SYCE1: variants seen among roughly 807,000 people sequenced by gnomAD.
The protein encoded by SYCE1 is cancer/testis antigen 76.
SYCE1 carries 37 observed loss-of-function variants against 55.1 expected under a neutral mutation model. The observed-to-expected ratio is 0.67, with a 90% confidence interval of 0.52 to 0.88. The LOEUF (loss-of-function observed/expected upper bound fraction) is 0.88. SYCE1 is among the 40% of genes least tolerant of loss of function. The probability of loss-of-function intolerance (pLI) is 0.00; values close to 1 mark genes in which losing one functional copy is unlikely to be tolerated. For synonymous variants in SYCE1, 163 were observed against 159.4 expected (o/e 1.02, Z -0.17); for missense variants, 399 against 416.4 (o/e 0.96, Z 0.36).
chr10:133,559,042 T>C (rs539232042), intron 3 of SYCE1, 91 bp from the exon 4 acceptor site: 135 of 1,321,970 alleles, frequency 1.0e-4, no homozygotes, highest in Middle Eastern at 3.8e-4. Context: ...GGTAAATCTA[T>C]AGTGGCCTAG....
upstream of SYCE1, chr10:133,565,613 A>T: frequency 7.1e-7 from 1 of 1,399,900 alleles, no homozygotes; most frequent in Non-Finnish European, 9.7e-7. Flanking sequence ...GCAGGACTCC[A>T]GGCAGCGCGC....
intron 1 of SYCE1, among the ~76,000 whole-genome samples, chr10:133,565,017 G>A (rs1237120288): frequency 2.7e-4 from 41 of 152,170 alleles, no homozygotes; most frequent in Non-Finnish European, 4.4e-5. Context: ...GCTCCCCGGG[G>A]CGTCGGGATG....
chr10:133,555,391 G>A lies in SYCE1; in HGVS notation c.878C>T (p.Ala293Val), dbSNP rs749142928. The A allele has an allele frequency of 6.2e-7, 1 of 1,614,082 alleles. No individual in the cohort carries two copies. The highest frequency in any genetic ancestry group is 8.5e-7 in the Non-Finnish European group (1 of 1,180,006). ...EKHGMQVPAQ[A>V]QSTQEEEAGP... ...AGCCTCTTCCTCTTGTGTGCTCTGG[G>A]CTTGGGCAGGGACTTGCATTCCATG... The change falls in exon 12 of 13, where the codon GCC becomes GTC. Residue 293 changes from alanine to valine, a missense_variant. Ala to Val is a moderately conservative substitution (Grantham distance 64). Coordinates refer to ENST00000343131, the MANE Select transcript of SYCE1 (RefSeq NM_001143764.3).
Position 133,560,116 on chromosome 10 carries a change from C to T in SYCE1, c.111G>A (p.Met37Ile), listed in dbSNP as rs1851786359. The T allele has an allele frequency of 6.2e-7, 1 of 1,613,958 alleles. No homozygotes were observed. Residue 37 changes from methionine to isoleucine, a missense_variant, in exon 2 of 13, where the codon ATG becomes ATA. Transcript: ENST00000343131. ...DTSSQKIEDL[M>I]EMVQKLQKVG... ...CTTTCTGCAGCTTTTGCACCATTTC[C>T]ATCAAGTCTTCAATTTTCTGTGAGG...
chr10:133,554,846 A>C, downstream of SYCE1: 1 of 1,447,820 alleles, frequency 6.9e-7, no homozygotes, highest in East Asian at 2.5e-5. Context: ...TCCAGAGACC[A>C]GGAGGTTAAG....
chr10:133,563,617 G>A (rs1338952312), intron 1 of SYCE1, among the ~76,000 whole-genome samples: 1 of 151,716 alleles, frequency 6.6e-6, no homozygotes, highest in East Asian at 1.9e-4. Flanking sequence ...TTGAGGCCAG[G>A]AGGTCAAGGC....
chr10:133,555,601 G>A lies in SYCE1; in HGVS notation c.826C>T (p.Gln276Ter). ...QKCQQQQQKR[Q>*]RLKEELEKHG... ...GGACAGGGCCTCCACACGCACCTCT[G>A]CCGCTTCTGCTGCTGTTGTTGGCAC... Residue 276 changes from glutamine (Q) to a stop codon, truncating the protein, a stop_gained, in exon 11 of 13, where the codon CAG becomes TAG. Coordinates refer to ENST00000343131, the MANE Select transcript of SYCE1 (RefSeq NM_001143764.3). LOFTEE classifies it high-confidence loss of function. The A allele has an allele frequency of 6.2e-7, 1 of 1,604,536 alleles. No homozygotes were observed. Among genetic ancestry groups the A allele is most frequent in the Non-Finnish European group, 8.5e-7 (1 of 1,178,910 alleles).
intron 1 of SYCE1, among the ~76,000 whole-genome samples, chr10:133,564,803 G>C (rs1379963425): frequency 6.6e-6 from 1 of 152,182 alleles, no homozygotes; most frequent in African/African-American, 2.4e-5. Context: ...AATCCTCACA[G>C]AACACCCAGA....
chr10:133,556,542 G>A, intron 8 of SYCE1: 1 of 606,460 alleles, frequency 1.6e-6, no homozygotes, highest in Non-Finnish European at 3.0e-6. Context: ...GACAGTGATG[G>A]AAGACTTGAC....
rs949643589 is a variant in SYCE1 at position 133,558,069 on chromosome 10, G to A, written c.319+98C>T. On this transcript the variant is annotated intron_variant, in intron 5 of 12. Transcript: ENST00000343131. ...GGTGGAAGCCACAGGAGAGAGGCAA[G>A]CTGGGACAGGTTTCAAAAGGCTTCA... 1.9e-6 allele frequency: 3 copies of A among 1,556,032 alleles called. No homozygotes were observed. The Admixed American group carries it at 5.2e-5, about 27-fold the overall frequency.
Position 133,557,160 on chromosome 10 carries a change from G to A in SYCE1, c.375-4C>T. 3.7e-6 allele frequency: 6 copies of A among 1,613,480 alleles called. 1 individual carries two copies. The highest frequency in any genetic ancestry group is 5.1e-6 in the Non-Finnish European group (6 of 1,179,678). On this transcript the variant is annotated splice_region_variant and splice_polypyrimidine_tract_variant and intron_variant, in intron 6 of 12. Coordinates refer to ENST00000343131, the MANE Select transcript of SYCE1 (RefSeq NM_001143764.3). ...CTCCTGCAACATGGTGTGCTTCCTG[G>A]GAGAGGCGAGGCAGCCCTCAGCCAT...
intron 1 of SYCE1, among the ~76,000 whole-genome samples, chr10:133,562,423 A>T (rs12767545): frequency 0.098 from 14,835 of 151,812 alleles, 883 homozygotes; most frequent in East Asian, 0.25. Flanking sequence ...TTTTCTTCAT[A>T]TAGTTCTGCT....
chr10:133,558,801 C>A (rs1287497592), intron 4 of SYCE1, 76 bp downstream of exon 4: 2 of 1,461,268 alleles, frequency 1.4e-6, no homozygotes, highest in African/African-American at 2.8e-5. Context: ...GGCAAGGATG[C>A]TGATTATCTG....
At chr10:133,567,377 G>T (rs145224987), upstream of SYCE1, among the ~76,000 whole-genome samples, 3 of 151,766 alleles carry the variant, frequency 2.0e-5, no homozygotes, top group South Asian at 4.2e-4. Context: ...AGGGTTAAGG[G>T]TTAGTGTTTT....
intron 1 of SYCE1, chr10:133,564,294 A>G (rs369285314): frequency 1.3e-6 from 1 of 744,332 alleles, no homozygotes; most frequent in South Asian, 6.3e-5. Context: ...CCAGACGCTG[A>G]ATTGCACCTT....
chr10:133,559,638 G>C (rs1434543110), intron 2 of SYCE1: 1 of 467,562 alleles, frequency 2.1e-6, no homozygotes, highest in Non-Finnish European at 3.9e-6. Flanking sequence ...CTGAGATATG[G>C]GAAGGGACCT....
intron 1 of SYCE1, among the ~76,000 whole-genome samples, chr10:133,563,310 A>T (rs1203707042): frequency 6.6e-6 from 1 of 152,194 alleles, no homozygotes; most frequent in East Asian, 1.9e-4. Context: ...AAGAAGCCTA[A>T]ATATGCCTTA....
Position 133,554,939 on chromosome 10 carries a change from A to G in SYCE1, c.*53T>C. On this transcript the variant is annotated 3_prime_UTR_variant, in exon 13 of 13. Transcript: ENST00000343131. Reference sequence around the variant, plus strand: ...AGCCAAGGCTTCAATCAGTCACAGGAGACTGGGGATCTTGGGCCTGACCCC... The same window carrying G: ...AGCCAAGGCTTCAATCAGTCACAGGGGACTGGGGATCTTGGGCCTGACCCC... 1 of 1,490,152 alleles carries G rather than the reference A, an allele frequency of 6.7e-7. No homozygotes were observed. 92.3% of individuals were successfully genotyped at this position (1,490,152 alleles called of 1,614,324 possible). A position where few individuals can be genotyped will look rare whatever the true frequency, so the allele number is the denominator to read the frequency against.
Position 133,555,331 on chromosome 10 carries a change from C to A in SYCE1, c.918+20G>T, listed in dbSNP as rs3737034. ...TTCAGTAGCTGTTTCTGTTCCCTGA[C>A]GCCCACTTCTGGGGCTTACCACATC... is the stretch of plus-strand genomic sequence containing the variant. On this transcript the variant is annotated intron_variant, in intron 12 of 12. Transcript: ENST00000343131. 4 of 1,613,362 alleles carry A rather than the reference C, an allele frequency of 2.5e-6. No homozygotes were observed. Among genetic ancestry groups the A allele is most frequent in the Non-Finnish European group, 3.4e-6 (4 of 1,179,610 alleles).
Sources: allele counts gnomAD v4.1 joint callset (sites outside exome capture counted in the v4.1 genomes callset), GRCh38; gene constraint gnomAD v4.1.1; transcripts MANE v1.5; gene names NCBI Gene and HGNC (gene_info 2026-07-23, HGNC 2026-07-21).